The following CWC27 variants were observed in gnomAD, a reference collection of about 807,000 sequenced individuals.
CWC27 encodes the protein CWC27 spliceosome associated cyclophilin, also known as spliceosome-associated protein CWC27 homolog.
Under a neutral mutation model 63.6 loss-of-function variants are expected in CWC27, and 47 were observed. The observed-to-expected ratio is 0.74, with a 90% confidence interval of 0.58 to 0.94. CWC27 has a LOEUF of 0.94. CWC27 is among the 40% of genes least tolerant of loss of function. The pLI is 0.00. For missense variants in CWC27, 495 were observed against 554.3 expected (o/e 0.89, Z 1.07); for synonymous variants, 175 against 179.8 (o/e 0.97, Z 0.22).
intron 13 of CWC27, among the ~76,000 whole-genome samples, chr5:65,005,483 A>T (rs1749825774): frequency 6.6e-6 from 1 of 152,000 alleles, no homozygotes; most frequent in Admixed American, 6.5e-5. Flanking sequence ...GATGGTACAT[A>T]TGAGTGCCCA....
intron 10 of CWC27, among the ~76,000 whole-genome samples, chr5:64,853,063 G>T (rs548749172): frequency 1.3e-5 from 2 of 152,070 alleles, no homozygotes; most frequent in Non-Finnish European, 2.9e-5. Context: ...AGAAGGACTT[G>T]GTTATTTCTA....
chr5:64,912,594 A>G (rs530669451), intron 11 of CWC27, among the ~76,000 whole-genome samples: 1 of 152,262 alleles, frequency 6.6e-6, no homozygotes, highest in East Asian at 1.9e-4. Flanking sequence ...CAAGCCAAAA[A>G]CTGGTTCTTT....
chr5:64,782,062 A>T, intron 3 of CWC27, 29 bp downstream of exon 3: 1 of 1,123,704 alleles, frequency 8.9e-7, no homozygotes, highest in Non-Finnish European at 1.3e-6. Context: ...TTTTATTATT[A>T]TTTTTGTTGT....
At chr5:64,837,840 T>C (rs1285316464) in intron 10 of CWC27, among the ~76,000 whole-genome samples, 1 of 152,150 alleles carries the variant, frequency 6.6e-6, no homozygotes, top group East Asian at 1.9e-4. Flanking sequence ...AAAGTATTTT[T>C]GAAGTTGAAA....
intron 10 of CWC27, among the ~76,000 whole-genome samples, chr5:64,875,187 A>G (rs956297500): frequency 6.6e-6 from 1 of 152,184 alleles, no homozygotes; most frequent in African/African-American, 2.4e-5. Context: ...GAGATCTTAC[A>G]AAGATTAGGG....
chr5:64,978,271 G>C (rs573550748), intron 13 of CWC27, among the ~76,000 whole-genome samples: 2 of 152,298 alleles, frequency 1.3e-5, no homozygotes, highest in African/African-American at 2.4e-5. Flanking sequence ...AAAGGGCTGA[G>C]GGCATGATGA....
chr5:64,776,871 A>C (rs535594790), intron 2 of CWC27, among the ~76,000 whole-genome samples: 1 of 152,278 alleles, frequency 6.6e-6, no homozygotes, highest in Admixed American at 6.5e-5. Context: ...AATGATGTTC[A>C]TAGCCAAAGG....
At chr5:65,001,549 T>C (rs1749732651) in intron 13 of CWC27, among the ~76,000 whole-genome samples, 1 of 152,082 alleles carries the variant, frequency 6.6e-6, no homozygotes, top group Non-Finnish European at 1.5e-5. Context: ...ATTTTAGCAG[T>C]GCTTTTCTTG....
intron 10 of CWC27, among the ~76,000 whole-genome samples, chr5:64,870,910 T>C (rs552061446): frequency 2.6e-5 from 4 of 152,150 alleles, no homozygotes; most frequent in Non-Finnish European, 5.9e-5. Context: ...AGTGTTGTCA[T>C]GAACACCCAT....
At chr5:64,821,703 A>G (rs1274221628) in intron 10 of CWC27, among the ~76,000 whole-genome samples, 1 of 152,196 alleles carries the variant, frequency 6.6e-6, no homozygotes, top group Non-Finnish European at 1.5e-5. Context: ...TAGGGGAAGA[A>G]TGGTGAAGTT....
intron 11 of CWC27, among the ~76,000 whole-genome samples, chr5:64,916,905 A>AGTG (rs1309618608): frequency 6.6e-6 from 1 of 151,278 alleles, no homozygotes; most frequent in African/African-American, 2.4e-5. Flanking sequence ...TAGTAGTAGT[A>AGTG]GTAGTAGTAG....
At chr5:64,841,068 C>T (rs1176496862) in intron 10 of CWC27, among the ~76,000 whole-genome samples, 1 of 152,188 alleles carries the variant, frequency 6.6e-6, no homozygotes, top group Non-Finnish European at 1.5e-5. Context: ...CCATTTTCTG[C>T]TGCTATAACA....
chr5:64,949,801 GTTGT>G lies in CWC27; in HGVS notation c.1043-21899_1043-21896del, dbSNP rs1473416788. On this transcript the variant is annotated intron_variant, in intron 11 of 13. Coordinates refer to ENST00000381070, the MANE Select transcript of CWC27 (RefSeq NM_005869.4). ...TGAATATTACCTCAATATTCAAGTAGTTGTTTAAGATCATTTCTCTAAGATTCCT... is the reference window on the plus strand; with the variant it reads ...TGAATATTACCTCAATATTCAAGTAGTTAAGATCATTTCTCTAAGATTCCT... 2.0e-5 allele frequency among the ~76,000 whole-genome samples: 3 copies of G among 151,900 alleles called. No homozygotes were observed. The East Asian group carries it at 5.8e-4, about 29-fold the overall frequency.
chr5:65,004,469 A>G (rs1178081837), intron 13 of CWC27, among the ~76,000 whole-genome samples: 1 of 147,326 alleles, frequency 6.8e-6, no homozygotes, highest in African/African-American at 2.5e-5. Flanking sequence ...CTTCTGCTAA[A>G]TCTAGTCTAT....
At position 64,867,747 on chromosome 5, in the gene CWC27, C is replaced by G. The variant is rs116132778; in HGVS notation, c.939-17696C>G. Among the ~76,000 whole-genome samples, 344 of 152,208 alleles carry G rather than the reference C, an allele frequency of 2.3e-3. 1 individual carries two copies. Among genetic ancestry groups the G allele is most frequent in the African/African-American group, 7.9e-3 (327 of 41,560 alleles). ...GTCTGAGCCATAGTCCACTGAAAGA[C>G]ATAGCAGACCCCACCTAGGGTACCT... On this transcript the variant is annotated intron_variant, in intron 10 of 13. Coordinates refer to ENST00000381070, the MANE Select transcript of CWC27 (RefSeq NM_005869.4).
At chr5:64,965,048 C>T (rs1028253951) in intron 11 of CWC27, among the ~76,000 whole-genome samples, 4 of 152,090 alleles carry the variant, frequency 2.6e-5, no homozygotes, top group African/African-American at 9.7e-5. Context: ...AAGATCGCGC[C>T]ATTGCACTCC....
chr5:64,903,855 A>G (rs2112367573), intron 11 of CWC27, among the ~76,000 whole-genome samples: 1 of 152,232 alleles, frequency 6.6e-6, no homozygotes, highest in African/African-American at 2.4e-5. Context: ...GACTTCTTTT[A>G]CCTGCCTTAA....
At chr5:65,003,857 T>G (rs1334674613) in intron 13 of CWC27, among the ~76,000 whole-genome samples, 3 of 151,852 alleles carry the variant, frequency 2.0e-5, no homozygotes, top group Middle Eastern at 3.2e-3. Context: ...TTTTTTTTTT[T>G]TTTTGGAGAC....
intron 10 of CWC27, chr5:64,807,986 A>T: frequency 7.1e-7 from 1 of 1,403,546 alleles, no homozygotes; most frequent in Non-Finnish European, 9.2e-7. Context: ...TCTAGTTGAT[A>T]ATCGACTGGC....
Sources: allele counts gnomAD v4.1 joint callset (sites outside exome capture counted in the v4.1 genomes callset), GRCh38; gene constraint gnomAD v4.1.1; transcripts MANE v1.5; gene names NCBI Gene and HGNC (gene_info 2026-07-23, HGNC 2026-07-21).